The following ETV6 variants were observed in gnomAD, a reference collection of about 807,000 sequenced individuals.
The protein encoded by ETV6 is ETS variant transcription factor 6, also known as transcription factor ETV6.
A neutral mutation model predicts 51.1 loss-of-function variants in ETV6; 16 were observed. The ratio of observed to expected loss-of-function variants is 0.31; its 90% CI spans 0.21 to 0.48. The LOEUF (loss-of-function observed/expected upper bound fraction) is 0.48, where lower values mean the gene tolerates loss of function less well. Ranked by LOEUF, ETV6 falls within the 20% of genes least tolerant of loss-of-function variation. The probability of loss-of-function intolerance (pLI) is 0.99; values close to 1 mark genes in which losing one functional copy is unlikely to be tolerated. For synonymous variants in ETV6, 240 were observed against 224.1 expected (o/e 1.07, Z -0.64); for missense variants, 458 against 594.8 (o/e 0.77, Z 2.39).
At chr12:11,884,649 A>G in intron 6 of ETV6, 62 bp downstream of exon 6, 2 of 1,590,702 alleles carry the variant, frequency 1.3e-6, no homozygotes, top group Non-Finnish European at 1.7e-6. Flanking sequence ...TTATCCCTGG[A>G]TTGGAGGATA....
At chr12:11,779,178 G>A (rs1325144879) in intron 2 of ETV6, among the ~76,000 whole-genome samples, 3 of 152,188 alleles carry the variant, frequency 2.0e-5, no homozygotes, top group Non-Finnish European at 4.4e-5. Flanking sequence ...ATTTGTGCAT[G>A]CTTTCCCGAA....
chr12:11,829,404 G>T (rs775541908), intron 2 of ETV6, among the ~76,000 whole-genome samples: 24 of 152,204 alleles, frequency 1.6e-4, no homozygotes, highest in Non-Finnish European at 3.2e-4. Context: ...TGGAGAAACA[G>T]ATTCAGACGC....
chr12:11,783,473 C>T (rs1945439628), intron 2 of ETV6, among the ~76,000 whole-genome samples: 3 of 152,106 alleles, frequency 2.0e-5, no homozygotes, highest in Non-Finnish European at 4.4e-5. Context: ...AGATGACTCT[C>T]TTACTGGATT....
intron 1 of ETV6, among the ~76,000 whole-genome samples, chr12:11,658,635 A>G (rs931404300): frequency 1.3e-5 from 2 of 152,212 alleles, no homozygotes; most frequent in African/African-American, 2.4e-5. Context: ...GACTCCCTGC[A>G]CAGTGCTCTT....
intron 2 of ETV6, among the ~76,000 whole-genome samples, chr12:11,783,553 T>G (rs747880316): frequency 6.6e-6 from 1 of 152,202 alleles, no homozygotes; most frequent in Non-Finnish European, 1.5e-5. Context: ...TTTGTTTTGT[T>G]TATTTAATGG....
intron 1 of ETV6, 140 bp downstream of exon 1, chr12:11,650,300 G>A: frequency 1.3e-6 from 1 of 753,668 alleles, no homozygotes; most frequent in Non-Finnish European, 2.4e-6. Flanking sequence ...GGAAAGAGAT[G>A]CAGCTCGCGG....
At chr12:11,868,420 GT>G (rs994553955) in intron 4 of ETV6, among the ~76,000 whole-genome samples, 2 of 146,732 alleles carry the variant, frequency 1.4e-5, no homozygotes, top group East Asian at 2.0e-4. Flanking sequence ...AAGGTTGGGG[GT>G]TTTTTTCTTT....
intron 1 of ETV6, among the ~76,000 whole-genome samples, chr12:11,682,411 G>T (rs1490791833): frequency 6.6e-6 from 1 of 152,054 alleles, no homozygotes; most frequent in Admixed American, 6.6e-5. Context: ...TTTAGATGGG[G>T]TTGTTTTTTC....
chr12:11,655,531 A>C (rs990475377), intron 1 of ETV6, among the ~76,000 whole-genome samples: 1 of 152,236 alleles, frequency 6.6e-6, no homozygotes, highest in East Asian at 1.9e-4. Flanking sequence ...ACAGGAACCA[A>C]ACTAATAAAG....
At chr12:11,715,949 C>T (rs74060809) in intron 1 of ETV6, among the ~76,000 whole-genome samples, 3,754 of 152,258 alleles carry the variant, frequency 0.025, 161 homozygotes, top group African/African-American at 0.085. Context: ...AGAAGAACAG[C>T]GTCTTTGACC....
At chr12:11,875,241 T>G (rs1946964901) in intron 5 of ETV6, among the ~76,000 whole-genome samples, 1 of 152,188 alleles carries the variant, frequency 6.6e-6, no homozygotes, top group African/African-American at 2.4e-5. Flanking sequence ...GAACTGTTAT[T>G]AAGAATTTAC....
intron 2 of ETV6, among the ~76,000 whole-genome samples, chr12:11,818,506 C>T (rs866439075): frequency 2.2e-4 from 31 of 138,026 alleles, no homozygotes; most frequent in Middle Eastern, 4.1e-3. Context: ...CCAGCCTGGG[C>T]GACAGAGCGA....
chr12:11,833,758 C>T (rs1946276541), intron 2 of ETV6, among the ~76,000 whole-genome samples: 1 of 152,170 alleles, frequency 6.6e-6, no homozygotes, highest in Non-Finnish European at 1.5e-5. Context: ...ATAGCAATCA[C>T]TTGCTTACAA....
intron 3 of ETV6, among the ~76,000 whole-genome samples, chr12:11,849,059 T>C (rs1946508016): frequency 6.6e-6 from 1 of 152,210 alleles, no homozygotes; most frequent in Admixed American, 6.5e-5. Flanking sequence ...AGTAGGCAAA[T>C]AAATATAACA....
At chr12:11,823,169 GC>G (rs1373447629) in intron 2 of ETV6, among the ~76,000 whole-genome samples, 1 of 152,148 alleles carries the variant, frequency 6.6e-6, no homozygotes, top group Non-Finnish European at 1.5e-5. Context: ...TCTGAGATGA[GC>G]AGCTGGATCG....
At chr12:11,773,308 C>CATATAT (rs369228066) in intron 2 of ETV6, among the ~76,000 whole-genome samples, 1 of 149,418 alleles carries the variant, frequency 6.7e-6, no homozygotes, top group African/African-American at 2.5e-5. Flanking sequence ...CTCAAAGAGC[C>CATATAT]ATATATATAT....
intron 3 of ETV6, among the ~76,000 whole-genome samples, chr12:11,846,656 G>A (rs1194862197): frequency 1.3e-5 from 2 of 152,040 alleles, no homozygotes; most frequent in South Asian, 2.1e-4. Flanking sequence ...TTAAAAACTG[G>A]AAATTCCCCA....
chr12:11,809,868 G>A (rs1945888019), intron 2 of ETV6, among the ~76,000 whole-genome samples: 1 of 136,126 alleles, frequency 7.3e-6, no homozygotes, highest in Non-Finnish European at 1.5e-5. Flanking sequence ...CACCCAGGCT[G>A]GAGTGCAGTG....
intron 2 of ETV6, among the ~76,000 whole-genome samples, chr12:11,793,018 A>C (rs2724622): frequency 0.59 from 89,984 of 151,704 alleles, 26,587 homozygotes; most frequent in East Asian, 0.61. Flanking sequence ...ATTCACATCC[A>C]CTAATGTTTA....
Sources: gnomAD v4.1 joint callset for allele counts (sites outside exome capture counted in the v4.1 genomes callset) on GRCh38, gnomAD v4.1.1 for gene constraint, MANE v1.5 for transcripts, NCBI Gene and HGNC (gene_info 2026-07-23, HGNC 2026-07-21) for gene names.